CDKL4: variants seen among roughly 807,000 people sequenced by gnomAD.
CDKL4 encodes the protein cyclin-dependent kinase-like 4.
CDKL4 carries 44 observed loss-of-function variants against 42.0 expected under a neutral mutation model. The observed-to-expected ratio is 1.05, with a 90% CI of 0.82 to 1.35. The LOEUF (loss-of-function observed/expected upper bound fraction) is 1.35, where lower values mean the gene tolerates loss of function less well. Ranked by LOEUF, CDKL4 falls within the 40% of genes most tolerant of loss-of-function variation. CDKL4 has a pLI of 0.00. For missense variants in CDKL4, 393 were observed against 369.9 expected (o/e 1.06, Z -0.51); for synonymous variants, 120 against 121.6 (o/e 0.99, Z 0.09).
intron 3 of CDKL4, among the ~76,000 whole-genome samples, chr2:39,216,027 T>C (rs1476555088): frequency 6.6e-6 from 1 of 152,198 alleles, no homozygotes; most frequent in African/African-American, 2.4e-5. Context: ...GGAAGAATAG[T>C]ATAGCCATGT....
At chr2:39,202,262 CAAAA>C (rs1676902845) in intron 5 of CDKL4, among the ~76,000 whole-genome samples, 1 of 151,664 alleles carries the variant, frequency 6.6e-6, no homozygotes, top group South Asian at 2.1e-4. Context: ...CAAAACAAAA[CAAAA>C]CAAAACAAAA....
intron 3 of CDKL4, among the ~76,000 whole-genome samples, chr2:39,214,346 A>C (rs186312536): frequency 6.6e-6 from 1 of 152,078 alleles, no homozygotes; most frequent in Non-Finnish European, 1.5e-5. Flanking sequence ...ATTTTCTTCA[A>C]TTTCACCCCT....
intron 3 of CDKL4, among the ~76,000 whole-genome samples, chr2:39,222,269 T>C (rs1289374282): frequency 2.0e-5 from 3 of 152,154 alleles, no homozygotes; most frequent in Non-Finnish European, 4.4e-5. Context: ...TTAGAGATGT[T>C]ACAAATATCT....
At chr2:39,234,102 G>C (rs189603395) in intron 1 of CDKL4, among the ~76,000 whole-genome samples, 1,715 of 151,650 alleles carry the variant, frequency 0.011, 37 homozygotes, top group African/African-American at 0.04. Flanking sequence ...TTTAGTACAG[G>C]TGGGGTTTCA....
intron 5 of CDKL4, among the ~76,000 whole-genome samples, chr2:39,195,887 A>G (rs1007547663): frequency 6.6e-6 from 1 of 152,192 alleles, no homozygotes; most frequent in African/African-American, 2.4e-5. Flanking sequence ...ACTAACTTGC[A>G]GCTATGACTC....
intron 9 of CDKL4, among the ~76,000 whole-genome samples, chr2:39,177,096 T>G (rs1675195991): frequency 1.3e-5 from 2 of 152,202 alleles, no homozygotes; most frequent in African/African-American, 4.8e-5. Context: ...AATGAGATTC[T>G]CTAGGTGCAT....
chr2:39,213,448 G>GC lies in CDKL4; in HGVS notation c.314dup (p.Ser105ArgfsTer11). 1.2e-6 allele frequency: 2 copies of GC among 1,610,696 alleles called. No individual in the cohort carries two copies. ...GAGCTTGAAGTGTTTGCCATAATAC[G>GC]CTTTTGATCACTCCATCAGCAACTC... is the stretch of plus-strand genomic sequence containing the variant. On this transcript the variant is annotated frameshift_variant, in exon 4 of 10. Coordinates refer to ENST00000451199, the Ensembl canonical transcript of CDKL4. LOFTEE classifies it high-confidence loss of function.
intron 3 of CDKL4, among the ~76,000 whole-genome samples, chr2:39,220,617 T>G (rs1180823936): frequency 1.3e-5 from 2 of 152,058 alleles, no homozygotes; most frequent in East Asian, 1.9e-4. Context: ...AGATGGAGTT[T>G]CGCTCTGTCG....
At chr2:39,245,244 C>T (rs1679862238), upstream of CDKL4, among the ~76,000 whole-genome samples, 1 of 152,086 alleles carries the variant, frequency 6.6e-6, no homozygotes, top group African/African-American at 2.4e-5. Context: ...TGCAGCTTCA[C>T]TCTTGAAGCC....
Position 39,226,102 on chromosome 2 carries a change from A to C in CDKL4, c.169-142T>G, listed in dbSNP as rs1206772642. ...AATAAGTGGTAACAAAATTGCTTGA[A>C]TCTCTCTGGTGATAGCAAGTAAAGT... On this transcript the variant is annotated intron_variant, in intron 2 of 9. Coordinates refer to ENST00000451199, the Ensembl canonical transcript of CDKL4. 37 of 695,472 alleles carry C rather than the reference A, an allele frequency of 5.3e-5. No homozygotes were observed. The East Asian group carries it at 1.2e-3, about 22-fold the overall frequency. The allele number at this position is 695,472 out of a possible 1,614,324, so 43.1% of individuals were successfully genotyped here. A position where few individuals can be genotyped will look rare whatever the true frequency, so the allele number is the denominator to read the frequency against.
At chr2:39,246,700 G>C (rs1380094624), upstream of CDKL4, among the ~76,000 whole-genome samples, 1 of 151,530 alleles carries the variant, frequency 6.6e-6, no homozygotes, top group Non-Finnish European at 1.5e-5. Context: ...CAACAACCTG[G>C]TTTACAAATC....
At position 39,216,779 on chromosome 2, in the gene CDKL4, G is replaced by A. The variant is rs1169928053; in HGVS notation, c.291-3307C>T. On this transcript the variant is annotated intron_variant, in intron 3 of 9. Coordinates refer to ENST00000451199, the Ensembl canonical transcript of CDKL4. ...AATTGGGAAACAAGGTAGGGGCTAG[G>A]ATTGAGAAACTGCAAAACGCCAATT... is the stretch of plus-strand genomic sequence containing the variant. Among the ~76,000 whole-genome samples the A allele has an allele frequency of 2.6e-5, 4 of 152,188 alleles. No homozygotes were observed. In the East Asian group the frequency reaches 7.7e-4, roughly 29 times the overall value.
At chr2:39,239,150 AAAC>A (rs1679521324) in intron 1 of CDKL4, among the ~76,000 whole-genome samples, 2 of 152,216 alleles carry the variant, frequency 1.3e-5, no homozygotes, top group South Asian at 4.1e-4. Flanking sequence ...TATGCAAAAC[AAAC>A]AACAAACACA....
intron 5 of CDKL4, among the ~76,000 whole-genome samples, chr2:39,198,210 C>G (rs754699823): frequency 2.7e-5 from 4 of 148,240 alleles, no homozygotes; most frequent in Non-Finnish European, 6.0e-5. Context: ...ACAAAACAGA[C>G]TTTAAAGCAA....
downstream of CDKL4, among the ~76,000 whole-genome samples, chr2:39,175,133 A>G (rs1214546595): frequency 6.6e-6 from 1 of 152,122 alleles, no homozygotes; most frequent in Non-Finnish European, 1.5e-5. Context: ...AGATGCCCTC[A>G]CTAGTTTTGG....
chr2:39,238,169 G>A (rs1008645828), intron 1 of CDKL4, among the ~76,000 whole-genome samples: 17 of 152,190 alleles, frequency 1.1e-4, no homozygotes, highest in Non-Finnish European at 2.1e-4. Flanking sequence ...GGTGGCACAT[G>A]CCTGTAATCC....
intron 3 of CDKL4, among the ~76,000 whole-genome samples, chr2:39,216,655 G>A (rs1448766093): frequency 6.6e-6 from 1 of 152,136 alleles, no homozygotes; most frequent in Non-Finnish European, 1.5e-5. Context: ...CCTTGAGAGG[G>A]ACTAGCGAGG....
At chr2:39,225,760 T>C in intron 3 of CDKL4, 79 bp downstream of exon 3, 1 of 1,408,596 alleles carries the variant, frequency 7.1e-7, no homozygotes, top group Middle Eastern at 1.9e-4. Flanking sequence ...GGCTGGGATT[T>C]GAAATTTGCC....
At chr2:39,180,123 G>A (rs537166796) in intron 8 of CDKL4, among the ~76,000 whole-genome samples, 5 of 152,296 alleles carry the variant, frequency 3.3e-5, no homozygotes, top group African/African-American at 1.2e-4. Context: ...GCAGCTTTAA[G>A]CCAGACCTGG....
Sources: allele counts gnomAD v4.1 joint callset (sites outside exome capture counted in the v4.1 genomes callset), GRCh38; gene constraint gnomAD v4.1.1; transcripts MANE v1.5; gene names NCBI Gene and HGNC (gene_info 2026-07-23, HGNC 2026-07-21).